ZFHX4: variants seen among roughly 807,000 people sequenced by gnomAD.
ZFHX4 encodes the protein zinc finger homeobox protein 4.
Under a neutral mutation model 267.6 loss-of-function variants are expected in ZFHX4, and 56 were observed. The ratio of observed to expected loss-of-function variants is 0.21; its 90% CI spans 0.17 to 0.26. The LOEUF (loss-of-function observed/expected upper bound fraction) is 0.26, where lower values mean the gene tolerates loss of function less well. ZFHX4 is among the 10% of genes least tolerant of loss of function. The pLI is 1.00. For missense variants in ZFHX4, 4,332 were observed against 4,420.0 expected, an observed-to-expected ratio of 0.98 and a Z score of 0.56; for synonymous variants, 1,778 against 1,665.6, an observed-to-expected ratio of 1.07 and a Z score of -1.64.
Position 76,854,495 on chromosome 8 carries a change from A to G in ZFHX4, c.7574A>G (p.His2525Arg), listed in dbSNP as rs1419398048. The G allele has an allele frequency of 6.2e-7, 1 of 1,612,710 alleles. No individual in the cohort carries two copies. The highest frequency in any genetic ancestry group is 1.7e-5 in the Admixed American group (1 of 59,848). Reference sequence around the variant, plus strand: ...CTTGCTGCTCAAAACCAATTCCTTCACTCTCCGTTCTTGGAAAGGCCCATG... The same window carrying G: ...CTTGCTGCTCAAAACCAATTCCTTCGCTCTCCGTTCTTGGAAAGGCCCATG... ...HFLAAQNQFL[H>R]SPFLERPMDM... is the part of the protein sequence containing the mutation. Residue 2525 changes from histidine (H) to arginine (R), a missense_variant, in exon 10 of 11, where the codon CAC becomes CGC. Physicochemically the swap from His to Arg is conservative, Grantham distance 29. Coordinates refer to ENST00000651372, the MANE Select transcript of ZFHX4 (RefSeq NM_024721.5).
rs776951502 is a variant in ZFHX4, at chr8:76,707,840, G to A, written c.2885G>A (p.Cys962Tyr). 5 of 1,614,100 alleles carry A rather than the reference G, an allele frequency of 3.1e-6. No homozygotes were observed. The highest frequency in any genetic ancestry group is 4.2e-6 in the Non-Finnish European group (5 of 1,180,000). Residue 962 changes from cysteine to tyrosine, a missense_variant, in exon 3 of 11, where the codon TGC becomes TAC. Coordinates refer to ENST00000651372, the MANE Select transcript of ZFHX4 (RefSeq NM_024721.5). ...TQLKANFQLH[C>Y]KTDKHMQKYQ... ...CTCAAAGCCAACTTCCAGCTACACT[G>A]CAAGACTGATAAACATATGCAGAAA...
At chr8:76,815,986 C>T (rs901131730) in intron 4 of ZFHX4, among the ~76,000 whole-genome samples, 1 of 152,148 alleles carries the variant, frequency 6.6e-6, no homozygotes, top group African/African-American at 2.4e-5. Flanking sequence ...TGTCGTTAAC[C>T]TTGTTGCTAG....
In ZFHX4 at chr8:76,854,707, G is replaced by T; in HGVS notation, c.7786G>T (p.Gly2596Trp). The T allele has an allele frequency of 6.2e-7, 1 of 1,613,626 alleles. No individual in the cohort carries two copies. The highest frequency in any genetic ancestry group is 8.5e-7 in the Non-Finnish European group (1 of 1,179,784). ...TAATAATTGCAGTGAAAAAGAAGGAGGGAATAGCGGTGAAGACCAACACCG... is the reference window on the plus strand; with the variant it reads ...TAATAATTGCAGTGAAAAAGAAGGATGGAATAGCGGTGAAGACCAACACCG... ...EDNNCSEKEG[G>W]NSGEDQHRDK... Residue 2596 changes from glycine to tryptophan, a missense_variant, in exon 10 of 11, where the codon GGG (glycine) becomes TGG (tryptophan). Around this residue, in one of 7 missense-constraint regions of ZFHX4, gnomAD observed 1,648 missense variants for 1,625.0 expected, o/e 1.01. Coordinates refer to ENST00000651372, the MANE Select transcript of ZFHX4 (RefSeq NM_024721.5).
In ZFHX4 at chr8:76,864,017, C is replaced by G; in HGVS notation, c.10303C>G (p.Pro3435Ala). The G allele has an allele frequency of 6.2e-7, 1 of 1,613,790 alleles. No individual in the cohort carries two copies. The highest frequency in any genetic ancestry group is 8.5e-7 in the Non-Finnish European group (1 of 1,179,828). Residue 3435 changes from proline (P) to alanine (A), a missense_variant, in exon 11 of 11, where the codon CCA (proline) becomes GCA (alanine). Coordinates refer to ENST00000651372, the MANE Select transcript of ZFHX4 (RefSeq NM_024721.5). ...FCYFGQPLID[P>A]QETVLRVPVS... ...TTATTTCGGTCAGCCTTTGATTGAC[C>G]CACAAGAGACAGTGCTTCGTGTCCC... is the stretch of plus-strand genomic sequence containing the variant.
At position 76,850,928 on chromosome 8, in the gene ZFHX4, A is replaced by C. The variant is rs764032549; in HGVS notation, c.4007A>C (p.Asp1336Ala). ...MDDKSMAGLE[D>A]SKANVEVKNE... Reference sequence around the variant, plus strand: ...GACAAAAGCATGGCAGGTCTCGAGGATTCAAAGGCTAATGTGGAAGTAAAG... The same window carrying C: ...GACAAAAGCATGGCAGGTCTCGAGGCTTCAAAGGCTAATGTGGAAGTAAAG... Residue 1336 changes from aspartate to alanine, a missense_variant, in exon 10 of 11, where the codon GAT (aspartate) becomes GCT (alanine). Transcript: ENST00000651372. 3.1e-6 allele frequency: 5 copies of C among 1,612,662 alleles called. No homozygotes were observed. The highest frequency in any genetic ancestry group is 3.3e-5 in the Admixed American group (2 of 59,896).
chr8:76,856,339 T>C (rs540575712), intron 10 of ZFHX4, 39 bp downstream of exon 10: 8 of 1,603,740 alleles, frequency 5.0e-6, no homozygotes, highest in South Asian at 3.3e-5. Flanking sequence ...GTTAATTAAG[T>C]AGCATCAGGT....
At chr8:76,807,649 C>T (rs1188584041) in intron 4 of ZFHX4, among the ~76,000 whole-genome samples, 1 of 152,096 alleles carries the variant, frequency 6.6e-6, no homozygotes, top group East Asian at 1.9e-4. Context: ...TAACACTGGC[C>T]ACACATATTA....
intron 4 of ZFHX4, 108 bp from the exon 5 acceptor site, chr8:76,833,230 G>A: frequency 1.3e-6 from 1 of 781,102 alleles, no homozygotes; most frequent in South Asian, 1.6e-5. Flanking sequence ...AGCTTCACCT[G>A]ATACTTATCT....
At position 76,849,527 on chromosome 8, in the gene ZFHX4, T is replaced by C. The variant is rs748928480; in HGVS notation, c.3661T>C (p.Tyr1221His). The change falls in exon 8 of 11, where the codon TAT becomes CAT. Residue 1221 changes from tyrosine (Y) to histidine (H), a missense_variant. Transcript: ENST00000651372. ...FCHEQFYQCP[Y>H]CNYNSRDQSR... ...TATTTTCCAGTTCTATCAATGTCCT[T>C]ATTGTAACTACAATAGTAGGGACCA... 6.2e-7 allele frequency: 1 copy of C among 1,613,704 alleles called. No individual in the cohort carries two copies. The highest frequency in any genetic ancestry group is 1.1e-5 in the South Asian group (1 of 91,084).
chr8:76,813,544 A>T (rs1811430023), intron 4 of ZFHX4, among the ~76,000 whole-genome samples: 1 of 152,190 alleles, frequency 6.6e-6, no homozygotes, highest in African/African-American at 2.4e-5. Flanking sequence ...TTGGCTTTCA[A>T]ATCAAAATTT....
At chr8:76,709,392 A>C (rs1042726498) in intron 3 of ZFHX4, among the ~76,000 whole-genome samples, 11 of 152,220 alleles carry the variant, frequency 7.2e-5, no homozygotes, top group African/African-American at 2.4e-4. Flanking sequence ...CTAAGTTGAC[A>C]GTATTGAAAA....
At chr8:76,727,513 T>C (rs1403015632) in intron 3 of ZFHX4, among the ~76,000 whole-genome samples, 2 of 152,110 alleles carry the variant, frequency 1.3e-5, no homozygotes, top group Admixed American at 6.6e-5. Flanking sequence ...TGTCCTGGAG[T>C]GTGGTATCAT....
intron 10 of ZFHX4, among the ~76,000 whole-genome samples, chr8:76,861,732 A>G (rs909088723): frequency 1.3e-5 from 2 of 151,910 alleles, no homozygotes; most frequent in Admixed American, 6.6e-5. Context: ...TTTCTTAGCT[A>G]AAGAAAAAGA....
Position 76,852,237 on chromosome 8 carries a change from C to T in ZFHX4, c.5316C>T (p.Gly1772=), listed in dbSNP as rs146028915. The T allele has an allele frequency of 6.2e-7, 1 of 1,610,188 alleles. No individual in the cohort carries two copies. Among genetic ancestry groups the T allele is most frequent in the Non-Finnish European group, 8.5e-7 (1 of 1,177,858 alleles). ...TGCCTGGCATGACAGGAATGGCTGG[C>T]TCCTTGCTTGAAGACCTAAAGCAGC... ...FGMPGMTGMA[G]SLLEDLKQQI... Residue 1772 remains glycine, a synonymous_variant, in exon 10 of 11, where the codon GGC becomes GGT. Coordinates refer to ENST00000651372, the MANE Select transcript of ZFHX4 (RefSeq NM_024721.5).
At chr8:76,796,482 C>T (rs556895829) in intron 4 of ZFHX4, among the ~76,000 whole-genome samples, 11 of 152,212 alleles carry the variant, frequency 7.2e-5, no homozygotes, top group Admixed American at 7.2e-4. Flanking sequence ...AGAATCAAGA[C>T]TTATCTTTGG....
intron 3 of ZFHX4, among the ~76,000 whole-genome samples, chr8:76,741,757 A>G (rs138885221): frequency 6.0e-4 from 92 of 152,306 alleles, no homozygotes; most frequent in African/African-American, 2.0e-3. Flanking sequence ...AGAGTTTCCC[A>G]TTCCTTATAT....
chr8:76,733,971 G>A (rs1585892866), intron 3 of ZFHX4, among the ~76,000 whole-genome samples: 2 of 152,228 alleles, frequency 1.3e-5, no homozygotes, highest in African/African-American at 4.8e-5. Flanking sequence ...TTAGAGGATA[G>A]AGACAAAACA....
At chr8:76,837,826 A>G (rs889620587) in intron 5 of ZFHX4, among the ~76,000 whole-genome samples, 3 of 152,168 alleles carry the variant, frequency 2.0e-5, no homozygotes, top group Admixed American at 6.6e-5. Flanking sequence ...AGGTGGGGGG[A>G]AAATAGCATT....
intron 3 of ZFHX4, among the ~76,000 whole-genome samples, chr8:76,747,633 C>T (rs903937907): frequency 6.6e-6 from 1 of 151,988 alleles, no homozygotes; most frequent in East Asian, 1.9e-4. Context: ...TAGGTGTTGA[C>T]AAAATGAAAG....
Sources: gnomAD v4.1 joint callset for allele counts (sites outside exome capture counted in the v4.1 genomes callset) on GRCh38, gnomAD v4.1.1 for gene constraint, gnomAD v4.1.1 regional missense constraint, MANE v1.5 for transcripts, NCBI Gene and HGNC (gene_info 2026-07-23, HGNC 2026-07-21) for gene names.